The following LPA variants were observed in gnomAD, a reference collection of about 807,000 sequenced individuals.
The protein encoded by LPA is apolipoprotein(a).
A neutral mutation model predicts 197.9 loss-of-function variants in LPA; 199 were observed. The observed-to-expected ratio is 1.01, with a 90% CI of 0.90 to 1.13. The LOEUF is 1.13. Among genes scored for constraint, LPA ranks in the 50% most tolerant of loss-of-function variants. The probability of loss-of-function intolerance (pLI) is 0.00; values close to 1 mark genes in which losing one functional copy is unlikely to be tolerated. For synonymous variants in LPA, 715 were observed against 639.5 expected (o/e 1.12, Z -1.78); for missense variants, 1,853 against 1,785.8 (o/e 1.04, Z -0.68).
intron 29 of LPA, 145 bp from the exon 30 acceptor site, chr6:160,556,329 A>G: frequency 1.4e-6 from 1 of 712,286 alleles, no homozygotes; most frequent in Non-Finnish European, 2.6e-6. Flanking sequence ...TGAAGCAAAA[A>G]CAATAGATTA....
At chr6:160,561,744 C>T (rs1442566000) in intron 28 of LPA, among the ~76,000 whole-genome samples, 4 of 152,066 alleles carry the variant, frequency 2.6e-5, no homozygotes, top group Non-Finnish European at 5.9e-5. Flanking sequence ...ATCTTATTTC[C>T]TTGAGCAGTG....
At chr6:160,647,250 T>A (rs1436560069) in intron 2 of LPA, among the ~76,000 whole-genome samples, 3 of 152,150 alleles carry the variant, frequency 2.0e-5, no homozygotes, top group Non-Finnish European at 1.5e-5. Flanking sequence ...CGGACAGCTA[T>A]GGAGGAGCAA....
chr6:160,653,117 T>C (rs554550366), intron 1 of LPA, among the ~76,000 whole-genome samples: 1 of 152,120 alleles, frequency 6.6e-6, no homozygotes, highest in South Asian at 2.1e-4. Flanking sequence ...CTAGTGAAAA[T>C]AGAGCTGTGA....
At chr6:160,581,601 A>G (rs986847762) in intron 26 of LPA, among the ~76,000 whole-genome samples, 1 of 152,092 alleles carries the variant, frequency 6.6e-6, no homozygotes, top group Non-Finnish European at 1.5e-5. Flanking sequence ...AGCCAATACC[A>G]CATGTCTTGA....
chr6:160,610,780 G>A (rs1779484790), intron 16 of LPA, among the ~76,000 whole-genome samples: 1 of 152,154 alleles, frequency 6.6e-6, no homozygotes, highest in South Asian at 2.1e-4. Context: ...TTCAGTGCAG[G>A]AAGGGTATCC....
At chr6:160,569,600 A>C (rs1033095638) in intron 28 of LPA, among the ~76,000 whole-genome samples, 1 of 152,220 alleles carries the variant, frequency 6.6e-6, no homozygotes, top group Admixed American at 6.5e-5. Context: ...AATCACCAAA[A>C]GCAATAGCAA....
intron 16 of LPA, 127 bp from the exon 17 acceptor site, chr6:160,606,785 T>G: frequency 1.4e-6 from 2 of 1,418,656 alleles, no homozygotes; most frequent in Non-Finnish European, 2.0e-6. Context: ...AAAAGTACCA[T>G]ATGATTGCCA....
intron 20 of LPA, among the ~76,000 whole-genome samples, chr6:160,598,482 G>T (rs539490361): frequency 2.6e-5 from 4 of 152,304 alleles, no homozygotes; most frequent in Admixed American, 2.6e-4. Context: ...GCATTGATGG[G>T]TTGATCTCAT....
chr6:160,607,381 T>C (rs1201742002), intron 16 of LPA, among the ~76,000 whole-genome samples: 2 of 152,136 alleles, frequency 1.3e-5, no homozygotes, highest in African/African-American at 2.4e-5. Flanking sequence ...TCTCCTGCTC[T>C]CAGTCTACCC....
chr6:160,589,614 G>A lies in LPA; in HGVS notation c.3886C>T (p.Gln1296Ter). ...FSTTVTGRTC[Q>*]SWSSMTPHWH... ...TGTGGTGTCATAGAGGACCAAGACTGACATGTCCTTCCTGTAACAGTGGTG... is the reference window on the plus strand; with the variant it reads ...TGTGGTGTCATAGAGGACCAAGACTAACATGTCCTTCCTGTAACAGTGGTG... The change falls in exon 24 of 39, where the codon CAG (glutamine) becomes TAG (stop). Residue 1296 changes from glutamine (Q) to a stop codon, truncating the protein, a stop_gained. Coordinates refer to ENST00000316300, the MANE Select transcript of LPA (RefSeq NM_005577.4). LOFTEE classifies it high-confidence loss of function. 1 of 1,613,962 alleles carries A rather than the reference G, an allele frequency of 6.2e-7. No individual in the cohort carries two copies. Among genetic ancestry groups the A allele is most frequent in the Non-Finnish European group, 8.5e-7 (1 of 1,179,886 alleles).
intron 34 of LPA, 104 bp downstream of exon 34, chr6:160,542,584 G>T: frequency 1.3e-6 from 2 of 1,517,142 alleles, no homozygotes; most frequent in South Asian, 1.3e-5. Context: ...AAACAGAGAG[G>T]CAGGTATTGA....
chr6:160,594,677 T>G (rs1779095589), intron 21 of LPA, among the ~76,000 whole-genome samples: 2 of 152,194 alleles, frequency 1.3e-5, no homozygotes. Flanking sequence ...CTGGTATCTT[T>G]GGCCCAGGAT....
chr6:160,572,676 G>A (rs375366534), intron 28 of LPA, among the ~76,000 whole-genome samples: 4 of 152,072 alleles, frequency 2.6e-5, no homozygotes, highest in Admixed American at 2.0e-4. Flanking sequence ...GCTTACTTTC[G>A]CTGGATACAA....
At chr6:160,583,960 T>C (rs1404569411) in intron 26 of LPA, among the ~76,000 whole-genome samples, 1 of 152,208 alleles carries the variant, frequency 6.6e-6, no homozygotes, top group Admixed American at 6.5e-5. Context: ...TACTCACTTA[T>C]GGCAAGAGGC....
At chr6:160,654,004 A>C (rs56737149) in intron 1 of LPA, among the ~76,000 whole-genome samples, 2 of 5,896 alleles carry the variant, frequency 3.4e-4, no homozygotes, top group African/African-American at 1.2e-3. Flanking sequence ...TATTATATAT[A>C]ATATATATTA....
intron 36 of LPA, among the ~76,000 whole-genome samples, chr6:160,538,929 G>T (rs1777934475): frequency 6.6e-6 from 1 of 152,198 alleles, no homozygotes. Flanking sequence ...GAGGAGCAGA[G>T]ATCTTGTATT....
chr6:160,647,296 T>G (rs1458795003), intron 2 of LPA, among the ~76,000 whole-genome samples: 1 of 151,980 alleles, frequency 6.6e-6, no homozygotes, highest in Non-Finnish European at 1.5e-5. Context: ...AGCTGAGGAG[T>G]TTGGGCTGCG....
intron 1 of LPA, among the ~76,000 whole-genome samples, chr6:160,653,586 G>T (rs1780044042): frequency 6.6e-6 from 1 of 151,698 alleles, no homozygotes; most frequent in African/African-American, 2.4e-5. Flanking sequence ...CCTAGCCAAA[G>T]TATACCAGTC....
chr6:160,591,147 A>T (rs1779022646), intron 22 of LPA, 46 bp from the exon 23 acceptor site: 8 of 1,608,784 alleles, frequency 5.0e-6, no homozygotes, highest in Non-Finnish European at 6.8e-6. Context: ...GGGAGAAGAT[A>T]CAAGGGCACC....
Sources: allele counts gnomAD v4.1 joint callset (sites outside exome capture counted in the v4.1 genomes callset), GRCh38; gene constraint gnomAD v4.1.1; transcripts MANE v1.5; gene names NCBI Gene and HGNC (gene_info 2026-07-23, HGNC 2026-07-21).